BORCS5: variants seen among roughly 807,000 people sequenced by gnomAD.
BORCS5 encodes BLOC-1-related complex subunit 5.
In BORCS5, 17 loss-of-function variants were observed where a neutral mutation model predicts 22.1. The observed-to-expected ratio is 0.77, with a 90% CI of 0.53 to 1.15. The LOEUF is 1.15. Among genes scored for constraint, BORCS5 ranks in the 50% most tolerant of loss-of-function variants. BORCS5 has a pLI of 0.00. For missense variants in BORCS5, 247 were observed against 253.2 expected (o/e 0.98, Z 0.17); for synonymous variants, 117 against 99.8 (o/e 1.17, Z -1.03).
rs1365880563 is a variant in BORCS5, at chr12:12,466,971, C to G, written c.*1195C>G. 1.3e-5 allele frequency: 2 copies of G among 152,188 alleles called. No individual in the cohort carries two copies. The highest frequency in any genetic ancestry group is 4.8e-5 in the African/African-American group (2 of 41,426). 9.4% of individuals were successfully genotyped at this position (152,188 alleles called of 1,614,324 possible). A position where few individuals can be genotyped will look rare whatever the true frequency, so the allele number is the denominator to read the frequency against. On this transcript the variant is annotated 3_prime_UTR_variant, in exon 4 of 4. Transcript: ENST00000314565. ...TGAGACAGGGTCTTGTGCTGTTGCT[C>G]AGGCTGGAGTGCAGTGGCGCAATCA... is the stretch of plus-strand genomic sequence containing the variant.
chr12:12,416,956 ATTT>A (rs763610980), intron 2 of BORCS5, among the ~76,000 whole-genome samples: 1 of 133,982 alleles, frequency 7.5e-6, no homozygotes. Flanking sequence ...TACTTTTTGT[ATTT>A]TTTTTTTTTT....
intron 2 of BORCS5, among the ~76,000 whole-genome samples, chr12:12,422,555 C>T (rs1157463584): frequency 6.6e-6 from 1 of 151,606 alleles, no homozygotes; most frequent in East Asian, 1.9e-4. Context: ...GAGCCGAGAT[C>T]GTGGCACTGC....
At chr12:12,432,829 A>G (rs1451246522) in intron 2 of BORCS5, among the ~76,000 whole-genome samples, 1 of 152,208 alleles carries the variant, frequency 6.6e-6, no homozygotes, top group Non-Finnish European at 1.5e-5. Context: ...GAAAGGACAA[A>G]ATTTTAGAAA....
chr12:12,419,494 A>T (rs1001400069), intron 2 of BORCS5, among the ~76,000 whole-genome samples: 1 of 152,236 alleles, frequency 6.6e-6, no homozygotes, highest in African/African-American at 2.4e-5. Context: ...GAATAGTGCC[A>T]TAATAAACAT....
At chr12:12,429,372 T>G (rs1942364679) in intron 2 of BORCS5, among the ~76,000 whole-genome samples, 1 of 152,192 alleles carries the variant, frequency 6.6e-6, no homozygotes, top group Non-Finnish European at 1.5e-5. Context: ...GCCACAACTT[T>G]GTTGCTTCAG....
At chr12:12,376,235 C>CT (rs538292018) in intron 2 of BORCS5, among the ~76,000 whole-genome samples, 2,650 of 136,244 alleles carry the variant, frequency 0.019, 84 homozygotes, top group African/African-American at 0.06. Flanking sequence ...GCTCTTCAGT[C>CT]TTTTTTTTTT....
At chr12:12,371,601 T>C (rs1211419200) in intron 2 of BORCS5, among the ~76,000 whole-genome samples, 1 of 152,168 alleles carries the variant, frequency 6.6e-6, no homozygotes, top group African/African-American at 2.4e-5. Flanking sequence ...GCCTATATTT[T>C]CTATATATTG....
intron 3 of BORCS5, among the ~76,000 whole-genome samples, chr12:12,444,873 T>C (rs1048837577): frequency 6.6e-6 from 1 of 152,252 alleles, no homozygotes; most frequent in Non-Finnish European, 1.5e-5. Context: ...CCCAGCCACA[T>C]TGGAAGAATT....
chr12:12,360,567 A>ATT lies in BORCS5; in HGVS notation c.59-614_59-613dup, dbSNP rs35965943. ...CACCACATCTGACTAATTAAAAGAAATTTTTTTTTTTTTTTTTTTTTTTTT... is the reference window on the plus strand; with the variant it reads ...CACCACATCTGACTAATTAAAAGAAATTTTTTTTTTTTTTTTTTTTTTTTTTT... On this transcript the variant is annotated intron_variant, in intron 1 of 3. Coordinates refer to ENST00000314565, the MANE Select transcript of BORCS5 (RefSeq NM_058169.6). Among the ~76,000 whole-genome samples the ATT allele has an allele frequency of 5.7e-3, 508 of 89,242 alleles. 11 individuals are homozygous for ATT. Among genetic ancestry groups the ATT allele is most frequent in the African/African-American group, 0.019 (433 of 22,894 alleles). The allele number at this position is 89,242 out of a possible 152,430, so 58.5% of individuals were successfully genotyped here. A position where few individuals can be genotyped will look rare whatever the true frequency, so the allele number is the denominator to read the frequency against.
chr12:12,357,595 C>CCTCCCAGACTAG, intron 1 of BORCS5, 86 bp downstream of exon 1: 2 of 1,391,444 alleles, frequency 1.4e-6, no homozygotes, highest in Non-Finnish European at 2.0e-6. Context: ...TCAGGGACTG[C>CCTCCCAGACTAG]GGACGGGAAC....
intron 3 of BORCS5, among the ~76,000 whole-genome samples, chr12:12,461,457 C>T (rs1479518610): frequency 6.6e-6 from 1 of 152,108 alleles, no homozygotes; most frequent in Non-Finnish European, 1.5e-5. Context: ...CAAGCATGAA[C>T]CACCGCACCT....
At chr12:12,415,428 C>T (rs1208672958) in intron 2 of BORCS5, among the ~76,000 whole-genome samples, 4 of 151,316 alleles carry the variant, frequency 2.6e-5, no homozygotes, top group Non-Finnish European at 4.4e-5. Flanking sequence ...CGTGCGCCTG[C>T]AATCGCAGGC....
chr12:12,361,067 C>A, intron 1 of BORCS5, 139 bp from the exon 2 acceptor site: 1 of 775,814 alleles, frequency 1.3e-6, no homozygotes, highest in Non-Finnish European at 2.1e-6. Context: ...TTCTATAATT[C>A]ATCCCTGCCA....
chr12:12,394,218 C>A (rs146942990), intron 2 of BORCS5, among the ~76,000 whole-genome samples: 2,056 of 151,778 alleles, frequency 0.014, 53 homozygotes, highest in African/African-American at 0.047. Context: ...CCCAGCTACT[C>A]GGGAGGCTGA....
At chr12:12,358,739 G>T (rs2136009860) in intron 1 of BORCS5, among the ~76,000 whole-genome samples, 1 of 152,324 alleles carries the variant, frequency 6.6e-6, no homozygotes, top group Non-Finnish European at 1.5e-5. Context: ...AGTAGTAGAG[G>T]TTAGCTAGAG....
intron 3 of BORCS5, among the ~76,000 whole-genome samples, chr12:12,441,203 T>C (rs16908072): frequency 0.071 from 10,787 of 152,126 alleles, 565 homozygotes; most frequent in East Asian, 0.23. Context: ...ATTTGTTGAG[T>C]GGTCATGGTG....
chr12:12,459,502 A>G (rs7312010), intron 3 of BORCS5, among the ~76,000 whole-genome samples: 94,792 of 151,606 alleles, frequency 0.63, 30,875 homozygotes, highest in African/African-American at 0.8. Flanking sequence ...TAGAGACGGG[A>G]TTTCACCATG....
chr12:12,411,514 TAATAA>T lies in BORCS5; in HGVS notation c.203-24109_203-24105del, dbSNP rs1941731725. On this transcript the variant is annotated intron_variant, in intron 2 of 3. Coordinates refer to ENST00000314565, the MANE Select transcript of BORCS5 (RefSeq NM_058169.6). ...TATACATGTATATAATAAATGTATA[TAATAA>T]AATATACATGATTTGAAAGTATTTT... is the stretch of plus-strand genomic sequence containing the variant. Among the ~76,000 whole-genome samples, 5 of 152,142 alleles carry T rather than the reference TAATAA, an allele frequency of 3.3e-5. No individual in the cohort carries two copies. The South Asian group carries it at 1.0e-3, about 31-fold the overall frequency.
chr12:12,465,478 G>A (rs1943183345), intron 3 of BORCS5, 68 bp from the exon 4 acceptor site: 2 of 1,379,428 alleles, frequency 1.4e-6, no homozygotes, highest in African/African-American at 1.4e-5. Flanking sequence ...CTCACAGGCT[G>A]GACACCCGGC....
Sources: allele counts gnomAD v4.1 joint callset (sites outside exome capture counted in the v4.1 genomes callset), GRCh38; gene constraint gnomAD v4.1.1; transcripts MANE v1.5; gene names NCBI Gene and HGNC (gene_info 2026-07-23, HGNC 2026-07-21).